ARHGAP29: variants seen among roughly 807,000 people sequenced by gnomAD.
ARHGAP29 encodes the protein Rho GTPase activating protein 29.
Under a neutral mutation model 122.6 loss-of-function variants are expected in ARHGAP29, and 43 were observed. The observed-to-expected ratio is 0.35, with a 90% CI of 0.27 to 0.45. ARHGAP29 has a LOEUF of 0.45. Among genes scored for constraint, ARHGAP29 ranks in the 20% least tolerant of loss-of-function variants. The pLI is 1.00. For synonymous variants in ARHGAP29, 506 were observed against 497.1 expected, an observed-to-expected ratio of 1.02 and a Z score of -0.24; for missense variants, 1,303 against 1,477.2, an observed-to-expected ratio of 0.88 and a Z score of 1.93.
the ARHGAP29 span, among the ~76,000 whole-genome samples, chr1:94,307,064 C>T: frequency 6.6e-6 from 1 of 152,158 alleles, no homozygotes; most frequent in Non-Finnish European, 1.5e-5. Context: ...TATTTCTATT[C>T]TGTCTTTACT....
the ARHGAP29 span, among the ~76,000 whole-genome samples, chr1:94,287,497 CTATTAT>C: frequency 1.3e-4 from 19 of 150,660 alleles, no homozygotes; most frequent in African/African-American, 3.4e-4. Flanking sequence ...ACCTCTTTTA[CTATTAT>C]TATTATTATT....
chr1:94,286,467 A>G, the ARHGAP29 span, among the ~76,000 whole-genome samples: 116 of 152,296 alleles, frequency 7.6e-4, no homozygotes, highest in African/African-American at 2.6e-3. Flanking sequence ...CAGGAGTTCA[A>G]GACCAGCCTG....
chr1:94,182,652 A>T (rs1037281166), intron 19 of ARHGAP29, among the ~76,000 whole-genome samples: 13 of 152,206 alleles, frequency 8.5e-5, no homozygotes, highest in African/African-American at 2.7e-4. Context: ...GAAGAAAAAT[A>T]ATTTTCAGTC....
chr1:94,267,282 C>T (rs928651363), intron 1 of ARHGAP29, among the ~76,000 whole-genome samples: 1 of 152,136 alleles, frequency 6.6e-6, no homozygotes, highest in African/African-American at 2.4e-5. Flanking sequence ...GGTGTGTTCT[C>T]AATTAGGATG....
intron 5 of ARHGAP29, 47 bp from the exon 6 acceptor site, chr1:94,205,730 A>C: frequency 1.9e-6 from 3 of 1,557,800 alleles, no homozygotes; most frequent in Non-Finnish European, 2.6e-6. Flanking sequence ...AAGAACACAA[A>C]TCTTTGCTTC....
chr1:94,185,478 G>A lies in ARHGAP29; in HGVS notation c.1784C>T (p.Pro595Leu). The A allele has an allele frequency of 6.3e-7, 1 of 1,594,262 alleles. No homozygotes were observed. Among genetic ancestry groups the A allele is most frequent in the South Asian group, 1.2e-5 (1 of 86,566 alleles). ...REPPSPSETG[P>L]NSLGTFKKTL... ...TTTCTTAAATGTTCCAAGGGAATTG[G>A]GTCCTTGCAAGAGAAATAATTTACA... Residue 595 changes from proline (P) to leucine (L), a missense_variant, in exon 17 of 23, where the codon CCC becomes CTC. Around this residue, in one of 3 missense-constraint regions of ARHGAP29, gnomAD observed 91 missense variants for 177.8 expected, o/e 0.51. Coordinates refer to ENST00000260526, the MANE Select transcript of ARHGAP29 (RefSeq NM_004815.4).
intron 2 of ARHGAP29, among the ~76,000 whole-genome samples, chr1:94,223,284 G>A (rs1417848359): frequency 3.9e-5 from 6 of 152,096 alleles, no homozygotes; most frequent in Non-Finnish European, 8.8e-5. Flanking sequence ...AGTTTGGTAG[G>A]TTTACTTAGT....
Position 94,223,584 on chromosome 1 carries a change from A to G in ARHGAP29, c.206-3192T>C, listed in dbSNP as rs115549164. ...AAAGTAATTAATTGCGGATTTGGCC[A>G]CTAAAAAAAACTATATATACATACA... On this transcript the variant is annotated intron_variant, in intron 2 of 22. Coordinates refer to ENST00000260526, the MANE Select transcript of ARHGAP29 (RefSeq NM_004815.4). Among the ~76,000 whole-genome samples the G allele has an allele frequency of 9.7e-3, 1,481 of 152,216 alleles. 21 individuals carry two copies. Among genetic ancestry groups the G allele is most frequent in the African/African-American group, 0.034 (1,408 of 41,550 alleles).
chr1:94,185,087 G>C, intron 17 of ARHGAP29, 27 bp from the exon 18 acceptor site: 1 of 1,583,860 alleles, frequency 6.3e-7, no homozygotes. Flanking sequence ...GTTTGAAACT[G>C]GTTAACCTTA....
At position 94,173,327 on chromosome 1, in the gene ARHGAP29, A is replaced by G. The variant is rs567051844; in HGVS notation, c.*542T>C. 5.9e-5 allele frequency: 9 copies of G among 152,812 alleles called. No homozygotes were observed. Among genetic ancestry groups the G allele is most frequent in the Admixed American group, 5.2e-4 (8 of 15,308 alleles). 9.5% of individuals were successfully genotyped at this position (152,812 alleles called of 1,614,324 possible). ...ATGTAAACATTTAAAAATTAACTGA[A>G]TTGCCAATTGAAAAATAAGAGCTTA... On this transcript the variant is annotated 3_prime_UTR_variant, in exon 23 of 23. Coordinates refer to ENST00000260526, the MANE Select transcript of ARHGAP29 (RefSeq NM_004815.4).
intron 3 of ARHGAP29, among the ~76,000 whole-genome samples, chr1:94,218,418 A>C (rs995461975): frequency 6.6e-6 from 1 of 152,202 alleles, no homozygotes; most frequent in Non-Finnish European, 1.5e-5. Flanking sequence ...AGACAGAAAG[A>C]TCTTCAAGGT....
chr1:94,201,898 A>G (rs891777893), intron 11 of ARHGAP29, 41 bp from the exon 12 acceptor site: 2 of 1,481,542 alleles, frequency 1.3e-6, no homozygotes, highest in Admixed American at 2.3e-5. Flanking sequence ...ACTAGAATTT[A>G]TATTTTAAAC....
intron 1 of ARHGAP29, among the ~76,000 whole-genome samples, chr1:94,271,447 C>T (rs1654991411): frequency 1.3e-5 from 2 of 152,256 alleles, no homozygotes; most frequent in South Asian, 4.2e-4. Flanking sequence ...ATTTCTTTTT[C>T]ATTATTTGAT....
chr1:94,208,497 T>A (rs1343318881), intron 5 of ARHGAP29, among the ~76,000 whole-genome samples: 1 of 152,020 alleles, frequency 6.6e-6, no homozygotes, highest in Non-Finnish European at 1.5e-5. Flanking sequence ...TCTCACTCTG[T>A]CACCTAGGCT....
intron 19 of ARHGAP29, among the ~76,000 whole-genome samples, chr1:94,181,570 A>C (rs1649462643): frequency 6.6e-6 from 1 of 152,136 alleles, no homozygotes; most frequent in African/African-American, 2.4e-5. Flanking sequence ...CAAGAACAGA[A>C]ACCTATAGAG....
intron 2 of ARHGAP29, 97 bp downstream of exon 2, chr1:94,231,310 A>G (rs1570578891): frequency 1.0e-6 from 1 of 954,580 alleles, no homozygotes; most frequent in Non-Finnish European, 1.6e-6. Flanking sequence ...AAAGCAGAAT[A>G]CCCTGTTCCT....
chr1:94,185,536 G>T, intron 16 of ARHGAP29, 55 bp from the exon 17 acceptor site: 2 of 1,403,930 alleles, frequency 1.4e-6, no homozygotes, highest in Non-Finnish European at 1.9e-6. Flanking sequence ...ATTATACCAT[G>T]TGATATCATA....
chr1:94,205,585 A>G, intron 6 of ARHGAP29, 50 bp downstream of exon 6: 1 of 1,515,634 alleles, frequency 6.6e-7, no homozygotes, highest in Non-Finnish European at 9.1e-7. Context: ...ACATTCATAG[A>G]AAGTAACTAC....
chr1:94,202,249 T>C, intron 11 of ARHGAP29: 1 of 545,692 alleles, frequency 1.8e-6, no homozygotes, highest in Non-Finnish European at 3.2e-6. Context: ...AAAGGTGAAC[T>C]TTCTTGTCAA....
Sources: allele counts gnomAD v4.1 joint callset (sites outside exome capture counted in the v4.1 genomes callset), GRCh38; gene constraint gnomAD v4.1.1; regional missense constraint gnomAD v4.1.1; transcripts MANE v1.5; gene names NCBI Gene and HGNC (gene_info 2026-07-23, HGNC 2026-07-21).